NEK11: variants seen among roughly 807,000 people sequenced by gnomAD.
The protein encoded by NEK11 is NIMA related kinase 11.
Under a neutral mutation model 80.7 loss-of-function variants are expected in NEK11, and 72 were observed. The ratio of observed to expected loss-of-function variants is 0.89; its 90% CI spans 0.74 to 1.08. The LOEUF is 1.08. Ranked by LOEUF, NEK11 falls within the 50% of genes least tolerant of loss-of-function variation. The pLI, the probability that NEK11 is intolerant of heterozygous loss-of-function variation, is 0.00. For synonymous variants in NEK11, 251 were observed against 260.7 expected, an observed-to-expected ratio of 0.96 and a Z score of 0.36; for missense variants, 764 against 763.6, an observed-to-expected ratio of 1.00 and a Z score of -0.01.
At chr3:131,049,821 T>G (rs1455133261) in intron 3 of NEK11, among the ~76,000 whole-genome samples, 1 of 152,168 alleles carries the variant, frequency 6.6e-6, no homozygotes, top group African/African-American at 2.4e-5. Flanking sequence ...GATTTTTTTG[T>G]TTTTTAAACT....
chr3:131,298,006 C>G (rs1431105105), intron 17 of NEK11, among the ~76,000 whole-genome samples: 2 of 152,024 alleles, frequency 1.3e-5, no homozygotes, highest in Non-Finnish European at 1.5e-5. Context: ...GGGCTCTGTT[C>G]TGTTCCATTG....
Position 131,136,145 on chromosome 3 carries a change from C to A in NEK11, c.647+2189C>A, listed in dbSNP as rs141566313. Among the ~76,000 whole-genome samples, 37 of 152,120 alleles carry A rather than the reference C, an allele frequency of 2.4e-4. No individual in the cohort carries two copies. In the East Asian group the frequency reaches 6.6e-3, roughly 27 times the overall value. ...CTGAGCATTAGGTTAGCTCTCCTTGCAGAGATTAACTTTTCAGCAAGTACA... is the reference window on the plus strand; with the variant it reads ...CTGAGCATTAGGTTAGCTCTCCTTGAAGAGATTAACTTTTCAGCAAGTACA... On this transcript the variant is annotated intron_variant, in intron 7 of 17. Coordinates refer to ENST00000383366, the MANE Select transcript of NEK11 (RefSeq NM_024800.5).
At chr3:131,144,839 A>G (rs1308740425) in intron 7 of NEK11, among the ~76,000 whole-genome samples, 1 of 152,126 alleles carries the variant, frequency 6.6e-6, no homozygotes, top group African/African-American at 2.4e-5. Flanking sequence ...AGCAAATACT[A>G]GTCATCAAAG....
intron 3 of NEK11, chr3:131,053,530 G>T (rs141844236): frequency 6.6e-6 from 1 of 152,214 alleles, no homozygotes; most frequent in Non-Finnish European, 1.5e-5. Flanking sequence ...GTACACAAAG[G>T]TATATGTGTA....
intron 16 of NEK11, among the ~76,000 whole-genome samples, chr3:131,250,987 T>C (rs1352162286): frequency 1.3e-5 from 2 of 151,956 alleles, no homozygotes; most frequent in African/African-American, 4.8e-5. Context: ...TTTTTTTAAA[T>C]GTGATGTAAC....
chr3:131,333,069 C>G, intron 17 of NEK11, among the ~76,000 whole-genome samples: 1 of 152,114 alleles, frequency 6.6e-6, no homozygotes, highest in African/African-American at 2.4e-5. Flanking sequence ...GAGAACTTCC[C>G]CAATCTAGCA....
intron 17 of NEK11, chr3:131,330,311 A>T (rs1417114707): frequency 6.6e-6 from 1 of 152,220 alleles, no homozygotes; most frequent in Non-Finnish European, 1.5e-5. Flanking sequence ...TAATTCTAAG[A>T]TTATTACCTA....
chr3:131,130,802 A>G (rs114180067), intron 5 of NEK11, among the ~76,000 whole-genome samples: 2,017 of 152,170 alleles, frequency 0.013, 39 homozygotes, highest in African/African-American at 0.045. Flanking sequence ...AATGTTGGAT[A>G]TATATATGTA....
intron 7 of NEK11, among the ~76,000 whole-genome samples, chr3:131,145,469 G>T (rs1166230811): frequency 6.6e-6 from 1 of 152,128 alleles, no homozygotes; most frequent in Non-Finnish European, 1.5e-5. Flanking sequence ...TTCCATAGAA[G>T]GTCTCATAGT....
intron 16 of NEK11, among the ~76,000 whole-genome samples, chr3:131,256,171 C>A (rs2095812718): frequency 6.6e-6 from 1 of 152,096 alleles, no homozygotes; most frequent in African/African-American, 2.4e-5. Context: ...TTAGCAATAT[C>A]ATATTGTACA....
chr3:131,117,806 T>C (rs1288673427), intron 5 of NEK11, among the ~76,000 whole-genome samples: 2 of 152,216 alleles, frequency 1.3e-5, no homozygotes, highest in African/African-American at 2.4e-5. Flanking sequence ...ATGCTTGTGA[T>C]TTTTGCACAT....
chr3:131,180,868 T>C (rs2093307070), intron 14 of NEK11, among the ~76,000 whole-genome samples: 1 of 152,240 alleles, frequency 6.6e-6, no homozygotes, highest in African/African-American at 2.4e-5. Flanking sequence ...CAGTCTATAA[T>C]ATGTAAAATT....
At chr3:131,232,423 C>G (rs1345782423) in intron 15 of NEK11, among the ~76,000 whole-genome samples, 1 of 152,198 alleles carries the variant, frequency 6.6e-6, no homozygotes, top group Non-Finnish European at 1.5e-5. Flanking sequence ...AATACACATA[C>G]TAGGTGGACA....
intron 14 of NEK11, among the ~76,000 whole-genome samples, chr3:131,214,848 C>T (rs1157213094): frequency 1.3e-5 from 2 of 151,994 alleles, no homozygotes. Context: ...TTAATTTAGC[C>T]CTCCAGAAAG....
chr3:131,201,981 T>G (rs189387724), intron 14 of NEK11, among the ~76,000 whole-genome samples: 4 of 152,196 alleles, frequency 2.6e-5, no homozygotes, highest in Admixed American at 6.5e-5. Context: ...ATTGTAGGTG[T>G]GCACAACCAC....
chr3:131,153,311 C>T (rs1039776593), intron 9 of NEK11, among the ~76,000 whole-genome samples: 1 of 152,192 alleles, frequency 6.6e-6, no homozygotes, highest in Admixed American at 6.5e-5. Context: ...AATATGCTAA[C>T]AGAGGATGCT....
chr3:131,329,281 A>G (rs1217696877), intron 17 of NEK11: 1 of 152,230 alleles, frequency 6.6e-6, no homozygotes, highest in African/African-American at 2.4e-5. Flanking sequence ...TTATAAAATT[A>G]GGCTATAACT....
rs201954356 is a variant in NEK11 at position 131,152,530 on chromosome 3, A to G, written c.790A>G (p.Met264Val). The change falls in exon 8 of 18, where the codon ATG becomes GTG. Residue 264 changes from methionine (M) to valine (V), a missense_variant. By Grantham distance (21) the Met-to-Val change is conservative. Coordinates refer to ENST00000383366, the MANE Select transcript of NEK11 (RefSeq NM_024800.5). The part of the protein sequence containing the change: ...ERYPKELNAI[M>V]ESMLNKNPSL... ...ATATCCAAAAGAACTAAATGCCATC[A>G]TGGAAAGGTATAGAAATAAACATGT... 3.1e-6 allele frequency: 5 copies of G among 1,613,036 alleles called. No homozygotes were observed. In the African/African-American group the frequency reaches 4.0e-5, roughly 13 times the overall value.
At chr3:131,299,208 T>G (rs1000816444) in intron 17 of NEK11, among the ~76,000 whole-genome samples, 2 of 152,130 alleles carry the variant, frequency 1.3e-5, no homozygotes, top group Non-Finnish European at 2.9e-5. Flanking sequence ...ATAGGTGGCT[T>G]TTGTTTTTCT....
Sources: gnomAD v4.1 joint callset for allele counts (sites outside exome capture counted in the v4.1 genomes callset) on GRCh38, gnomAD v4.1.1 for gene constraint, MANE v1.5 for transcripts, NCBI Gene and HGNC (gene_info 2026-07-23, HGNC 2026-07-21) for gene names.